Variants in BLK observed in about 807,000 individuals in gnomAD.
BLK encodes the protein tyrosine-protein kinase Blk.
Under a neutral mutation model 61.8 loss-of-function variants are expected in BLK, and 64 were observed. The observed-to-expected ratio is 1.03, with a 90% CI of 0.85 to 1.27. The LOEUF (loss-of-function observed/expected upper bound fraction) is 1.27. Ranked by LOEUF, BLK falls within the 50% of genes most tolerant of loss-of-function variation. The pLI is 0.00. For missense variants in BLK, 853 were observed against 660.5 expected (o/e 1.29, Z -3.19); for synonymous variants, 351 against 272.0 (o/e 1.29, Z -2.86).
chr8:11,524,002 C>T (rs745360341), intron 1 of BLK, among the ~76,000 whole-genome samples: 3 of 151,824 alleles, frequency 2.0e-5, no homozygotes, highest in Non-Finnish European at 4.4e-5. Flanking sequence ...ACCATAATTC[C>T]GGTTATGGAA....
intron 1 of BLK, among the ~76,000 whole-genome samples, chr8:11,531,383 G>C (rs1005737357): frequency 6.6e-6 from 1 of 152,044 alleles, no homozygotes; most frequent in African/African-American, 2.4e-5. Flanking sequence ...TATTCTAAGG[G>C]AATAGAAGGT....
chr8:11,562,372 G>A (rs1563127041), intron 11 of BLK, among the ~76,000 whole-genome samples: 2 of 152,204 alleles, frequency 1.3e-5, no homozygotes, highest in Non-Finnish European at 2.9e-5. Context: ...ACAGGATATG[G>A]CTTGTTCTCT....
At chr8:11,496,247 T>A (rs371583346) in intron 1 of BLK, among the ~76,000 whole-genome samples, 31 of 152,208 alleles carry the variant, frequency 2.0e-4, no homozygotes, top group East Asian at 9.6e-4. Flanking sequence ...TTATGTTTTT[T>A]GTTTTTCAGA....
chr8:11,548,653 G>C lies in BLK; in HGVS notation c.270-371G>C, dbSNP rs140834546. On this transcript the variant is annotated intron_variant, in intron 4 of 12. Coordinates refer to ENST00000259089, the MANE Select transcript of BLK (RefSeq NM_001715.3). ...GTTCTTGAAGTTCTCCAAAGGCCCTGAGCCAAGCTCACGAAGGTCCTGACT... is the reference window on the plus strand; with the variant it reads ...GTTCTTGAAGTTCTCCAAAGGCCCTCAGCCAAGCTCACGAAGGTCCTGACT... Among the ~76,000 whole-genome samples, 198 of 152,282 alleles carry C rather than the reference G, an allele frequency of 1.3e-3. 2 individuals carry two copies. Among genetic ancestry groups the C allele is most frequent in the South Asian group, 7.1e-3 (34 of 4,818 alleles).
chr8:11,519,543 A>G (rs1360898909), intron 1 of BLK, among the ~76,000 whole-genome samples: 2 of 152,248 alleles, frequency 1.3e-5, no homozygotes, highest in Non-Finnish European at 2.9e-5. Context: ...GTACAGTATT[A>G]AGTAATATGA....
intron 4 of BLK, 43 bp from the exon 5 acceptor site, chr8:11,548,981 A>G: frequency 6.5e-7 from 1 of 1,540,414 alleles, no homozygotes; most frequent in Non-Finnish European, 8.9e-7. Flanking sequence ...TGACGGGCCT[A>G]CAGGGGCCAT....
intron 4 of BLK, among the ~76,000 whole-genome samples, 182 bp downstream of exon 4, chr8:11,548,307 C>T (rs550059964): frequency 1.3e-4 from 20 of 152,288 alleles, no homozygotes; most frequent in Non-Finnish European, 2.5e-4. Context: ...AAAATCTTTC[C>T]GGTGAAGTAA....
rs192753321 is a variant in BLK at position 11,507,860 on chromosome 8, C to T, written c.-2+13269C>T. On this transcript the variant is annotated intron_variant, in intron 1 of 12. Transcript: ENST00000259089. ...TTCTCCCCGAGCCAGCATTTCTACA[C>T]GTGAGCACTGGCCTTGCTGTCTGGC... is the stretch of plus-strand genomic sequence containing the variant. 8.5e-5 allele frequency among the ~76,000 whole-genome samples: 13 copies of T among 152,314 alleles called. No individual in the cohort carries two copies. The East Asian group carries it at 1.4e-3, about 16-fold the overall frequency.
intron 10 of BLK, chr8:11,560,885 T>C (rs1478088967): frequency 8.6e-6 from 4 of 465,808 alleles, no homozygotes; most frequent in Middle Eastern, 3.2e-4. Flanking sequence ...GGCCTCCAGC[T>C]CCAGGAGCTG....
chr8:11,525,223 T>A (rs1450833441), intron 1 of BLK, among the ~76,000 whole-genome samples: 1 of 152,258 alleles, frequency 6.6e-6, no homozygotes, highest in Non-Finnish European at 1.5e-5. Context: ...CTTGTCTGTT[T>A]TTAATATCAC....
At chr8:11,540,330 C>G (rs940360036) in intron 1 of BLK, among the ~76,000 whole-genome samples, 1 of 152,090 alleles carries the variant, frequency 6.6e-6, no homozygotes, top group African/African-American at 2.4e-5. Flanking sequence ...TTCACATACG[C>G]GATTCCTGTA....
At chr8:11,506,312 A>C (rs1798767668) in intron 1 of BLK, among the ~76,000 whole-genome samples, 2 of 152,210 alleles carry the variant, frequency 1.3e-5, no homozygotes, top group Admixed American at 6.5e-5. Flanking sequence ...GCCTGAAGAC[A>C]CTCAGAAAGA....
intron 1 of BLK, among the ~76,000 whole-genome samples, chr8:11,542,675 C>T (rs922208126): frequency 1.3e-5 from 2 of 152,104 alleles, no homozygotes; most frequent in African/African-American, 4.8e-5. Context: ...ACTGTGAGGC[C>T]ACAGCTAGGC....
chr8:11,510,778 T>TAAAC (rs1798969796), intron 1 of BLK, among the ~76,000 whole-genome samples: 2 of 30,976 alleles, frequency 6.5e-5, no homozygotes, highest in African/African-American at 2.8e-4. Context: ...CCATCTCAAA[T>TAAAC]AAATAAATAA....
intron 2 of BLK, among the ~76,000 whole-genome samples, chr8:11,545,419 G>T (rs903359790): frequency 2.0e-5 from 3 of 152,082 alleles, no homozygotes; most frequent in Non-Finnish European, 2.9e-5. Flanking sequence ...CGTGATGGCG[G>T]GCACCTGTAA....
At chr8:11,507,959 C>T (rs980281406) in intron 1 of BLK, among the ~76,000 whole-genome samples, 1 of 152,174 alleles carries the variant, frequency 6.6e-6, no homozygotes, top group Non-Finnish European at 1.5e-5. Context: ...CCTTCCAGTG[C>T]ACCCTTTGGT....
intron 6 of BLK, chr8:11,554,330 G>GT: frequency 3.6e-6 from 1 of 279,672 alleles, no homozygotes; most frequent in South Asian, 4.1e-5. Context: ...CTATCTGCTT[G>GT]TAGGAGTAAG....
chr8:11,557,150 G>A (rs17153454), intron 9 of BLK, among the ~76,000 whole-genome samples: 45,696 of 152,098 alleles, frequency 0.3, 8,175 homozygotes, highest in African/African-American at 0.49. Context: ...TGCAAAGTCA[G>A]ACGAACACCA....
At chr8:11,537,705 T>A (rs559141207) in intron 1 of BLK, among the ~76,000 whole-genome samples, 47 of 152,318 alleles carry the variant, frequency 3.1e-4, no homozygotes, top group African/African-American at 1.1e-3. Flanking sequence ...AGGATAACTG[T>A]AACCAATTTA....
Sources: allele counts gnomAD v4.1 joint callset (sites outside exome capture counted in the v4.1 genomes callset), GRCh38; gene constraint gnomAD v4.1.1; transcripts MANE v1.5; gene names NCBI Gene and HGNC (gene_info 2026-07-23, HGNC 2026-07-21).